DEPDC1B: variants seen among roughly 807,000 people sequenced by gnomAD.
The protein encoded by DEPDC1B is DEP domain-containing protein 1B.
In DEPDC1B, 51 loss-of-function variants were observed where a neutral mutation model predicts 66.5. The ratio of observed to expected loss-of-function variants is 0.77; its 90% CI spans 0.61 to 0.97. The LOEUF is 0.97. Among genes scored for constraint, DEPDC1B ranks in the 50% least tolerant of loss-of-function variants. The pLI, the probability that DEPDC1B is intolerant of heterozygous loss-of-function variation, is 0.00. For synonymous variants in DEPDC1B, 226 were observed against 223.6 expected (o/e 1.01, Z -0.10); for missense variants, 552 against 637.1 (o/e 0.87, Z 1.44).
At chr5:60,615,939 A>C (rs1378260146) in intron 7 of DEPDC1B, among the ~76,000 whole-genome samples, 3 of 152,304 alleles carry the variant, frequency 2.0e-5, no homozygotes, top group African/African-American at 7.2e-5. Flanking sequence ...TCCTCTGAGA[A>C]AAAACTTCCA....
At chr5:60,612,705 G>GA (rs1554050974) in intron 7 of DEPDC1B, among the ~76,000 whole-genome samples, 14,895 of 85,274 alleles carry the variant, frequency 0.17, 848 homozygotes, top group Middle Eastern at 0.26. Context: ...AAATGGTTCA[G>GA]AAAAAAAAAA....
chr5:60,695,397 G>C (rs896253477), intron 1 of DEPDC1B, among the ~76,000 whole-genome samples: 7 of 152,034 alleles, frequency 4.6e-5, no homozygotes, highest in Non-Finnish European at 1.0e-4. Flanking sequence ...GGGACAGGGT[G>C]CCACACTTTT....
intron 8 of DEPDC1B, among the ~76,000 whole-genome samples, chr5:60,605,065 T>C (rs1752281391): frequency 6.6e-6 from 1 of 152,164 alleles, no homozygotes; most frequent in Non-Finnish European, 1.5e-5. Flanking sequence ...TCAAGAGATT[T>C]TGCTAGTAAG....
At chr5:60,644,251 T>A (rs113984844) in intron 5 of DEPDC1B, among the ~76,000 whole-genome samples, 1,894 of 152,204 alleles carry the variant, frequency 0.012, 15 homozygotes, top group Non-Finnish European at 0.021. Flanking sequence ...GTTTGTTTTT[T>A]CTGATTTGTA....
chr5:60,600,758 A>C (rs1714860491), intron 9 of DEPDC1B, among the ~76,000 whole-genome samples: 2 of 152,232 alleles, frequency 1.3e-5, no homozygotes, highest in African/African-American at 4.8e-5. Context: ...AGTAATAGCA[A>C]AGGGCTCACA....
At chr5:60,598,075 CT>C (rs1397584022) in intron 10 of DEPDC1B, among the ~76,000 whole-genome samples, 161 bp from the exon 11 acceptor site, 1 of 152,022 alleles carries the variant, frequency 6.6e-6, no homozygotes, top group Non-Finnish European at 1.5e-5. Flanking sequence ...TCCATCTTTC[CT>C]TTGATCTAAG....
At chr5:60,659,061 G>T (rs563503342) in intron 2 of DEPDC1B, among the ~76,000 whole-genome samples, 93 of 152,308 alleles carry the variant, frequency 6.1e-4, no homozygotes, top group African/African-American at 2.2e-3. Context: ...AACACTAGTT[G>T]CTTGGTTCCA....
intron 7 of DEPDC1B, among the ~76,000 whole-genome samples, chr5:60,610,920 A>C (rs929951157): frequency 3.3e-5 from 5 of 152,220 alleles, no homozygotes; most frequent in Non-Finnish European, 7.3e-5. Flanking sequence ...GCCATTTGAT[A>C]GTTGGCTCCT....
intron 2 of DEPDC1B, among the ~76,000 whole-genome samples, chr5:60,668,869 T>C (rs979180657): frequency 6.6e-6 from 1 of 152,202 alleles, no homozygotes; most frequent in African/African-American, 2.4e-5. Context: ...ACTGACAACA[T>C]TTAAAAAGAG....
chr5:60,601,579 T>A (rs1044066299), intron 9 of DEPDC1B, among the ~76,000 whole-genome samples: 1 of 152,196 alleles, frequency 6.6e-6, no homozygotes, highest in Admixed American at 6.5e-5. Flanking sequence ...AAAAAAAATC[T>A]ACCTTTAAAA....
At chr5:60,699,538 G>C (rs1267596591) in intron 1 of DEPDC1B, among the ~76,000 whole-genome samples, 1 of 151,172 alleles carries the variant, frequency 6.6e-6, no homozygotes. Context: ...GGTGCTGACA[G>C]AAACAGAAAC....
At chr5:60,672,796 G>A (rs2111989791) in intron 2 of DEPDC1B, among the ~76,000 whole-genome samples, 1 of 152,254 alleles carries the variant, frequency 6.6e-6, no homozygotes, top group South Asian at 2.1e-4. Flanking sequence ...TTAGACCCCA[G>A]GCCTGCCTCA....
At chr5:60,660,251 CAGAG>C (rs889867132) in intron 2 of DEPDC1B, among the ~76,000 whole-genome samples, 7 of 127,138 alleles carry the variant, frequency 5.5e-5, no homozygotes, top group African/African-American at 9.4e-5. Flanking sequence ...AGAGGAGAGA[CAGAG>C]AGGAGAGAGA....
intron 2 of DEPDC1B, among the ~76,000 whole-genome samples, chr5:60,664,212 T>C (rs1475863459): frequency 1.3e-5 from 2 of 152,212 alleles, no homozygotes; most frequent in Non-Finnish European, 2.9e-5. Context: ...TAGGAGTCCT[T>C]ACACATGTCC....
At chr5:60,686,292 C>T (rs563157440) in intron 2 of DEPDC1B, among the ~76,000 whole-genome samples, 1 of 152,282 alleles carries the variant, frequency 6.6e-6, no homozygotes, top group Admixed American at 6.5e-5. Flanking sequence ...ACCTGTGTGA[C>T]TTCATTCCTC....
chr5:60,621,358 G>A (rs1190973855), intron 7 of DEPDC1B, among the ~76,000 whole-genome samples: 1 of 151,666 alleles, frequency 6.6e-6, no homozygotes, highest in Non-Finnish European at 1.5e-5. Flanking sequence ...GGAATACTAT[G>A]CAGCCATAAA....
At chr5:60,604,218 C>CTTTTTTTTT (rs869142199) in intron 8 of DEPDC1B, among the ~76,000 whole-genome samples, 3,967 of 68,830 alleles carry the variant, frequency 0.058, 881 homozygotes, top group Non-Finnish European at 0.079. Context: ...ATTAACTATT[C>CTTTTTTTTT]TTTTTTTTTT....
intron 9 of DEPDC1B, among the ~76,000 whole-genome samples, chr5:60,599,978 C>T (rs1360164500): frequency 6.6e-5 from 10 of 152,104 alleles, no homozygotes; most frequent in Admixed American, 1.3e-4. Flanking sequence ...AGGGTCTCCA[C>T]GACCGAGCTG....
intron 3 of DEPDC1B, 81 bp from the exon 4 acceptor site, chr5:60,645,700 G>A (rs1753300493): frequency 1.4e-6 from 2 of 1,385,708 alleles, no homozygotes; most frequent in Non-Finnish European, 1.9e-6. Flanking sequence ...ATAAGGTGGT[G>A]GGATTTTTAT....
Sources: allele counts gnomAD v4.1 joint callset (sites outside exome capture counted in the v4.1 genomes callset), GRCh38; gene constraint gnomAD v4.1.1; transcripts MANE v1.5; gene names NCBI Gene and HGNC (gene_info 2026-07-23, HGNC 2026-07-21).